SLC25A21: variants seen among roughly 807,000 people sequenced by gnomAD.
SLC25A21 encodes solute carrier family 25 member 21.
Under a neutral mutation model 43.8 loss-of-function variants are expected in SLC25A21, and 47 were observed. That is an observed-to-expected ratio of 1.07 (90% CI 0.85 to 1.37). The LOEUF is 1.37. Ranked by LOEUF, SLC25A21 falls within the 40% of genes most tolerant of loss-of-function variation. The pLI, the probability that SLC25A21 is intolerant of heterozygous loss-of-function variation, is 0.00. For missense variants in SLC25A21, 352 were observed against 350.2 expected (o/e 1.00, Z -0.04); for synonymous variants, 131 against 121.3 (o/e 1.08, Z -0.52).
At chr14:37,123,710 T>A (rs1390184763) in intron 1 of SLC25A21, among the ~76,000 whole-genome samples, 4 of 152,132 alleles carry the variant, frequency 2.6e-5, no homozygotes, top group African/African-American at 9.7e-5. Flanking sequence ...AATGGGATTT[T>A]AAACACAGAA....
intron 1 of SLC25A21, among the ~76,000 whole-genome samples, chr14:37,043,863 T>C (rs1961526635): frequency 1.3e-5 from 2 of 152,038 alleles, no homozygotes; most frequent in Non-Finnish European, 2.9e-5. Flanking sequence ...GCCTCCCAAG[T>C]AGCTGGAACT....
At chr14:36,892,817 C>A (rs182676317) in intron 1 of SLC25A21, among the ~76,000 whole-genome samples, 98 of 152,024 alleles carry the variant, frequency 6.4e-4, no homozygotes, top group South Asian at 1.2e-3. Flanking sequence ...TTTGTCCTTG[C>A]GATAGTTTGC....
At chr14:37,156,901 G>T (rs1117024) in intron 1 of SLC25A21, among the ~76,000 whole-genome samples, 58,540 of 151,964 alleles carry the variant, frequency 0.39, 12,271 homozygotes, top group African/African-American at 0.56. Flanking sequence ...AAGAAACACT[G>T]AATTTAAACT....
chr14:36,719,661 G>GT (rs1167652238), intron 6 of SLC25A21, among the ~76,000 whole-genome samples: 1 of 152,014 alleles, frequency 6.6e-6, no homozygotes, highest in Non-Finnish European at 1.5e-5. Context: ...TAATATGGTG[G>GT]TAATTTAAGA....
At chr14:36,972,900 A>G (rs1959783522) in intron 1 of SLC25A21, among the ~76,000 whole-genome samples, 1 of 152,074 alleles carries the variant, frequency 6.6e-6, no homozygotes, top group South Asian at 2.1e-4. Context: ...TGGCACAATC[A>G]TGGCTCACTG....
At position 36,867,499 on chromosome 14, in the gene SLC25A21, C is replaced by G. The variant is rs1200834333; in HGVS notation, c.119+7457G>C. On this transcript the variant is annotated intron_variant, in intron 2 of 9. Transcript: ENST00000331299. ...ATACCGAATAATGTCAGCACACAGCCCCAAAACGACGTGTGGCACGAGGCC... is the reference window on the plus strand; with the variant it reads ...ATACCGAATAATGTCAGCACACAGCGCCAAAACGACGTGTGGCACGAGGCC... Among the ~76,000 whole-genome samples the G allele has an allele frequency of 2.0e-5, 3 of 152,130 alleles. No homozygotes were observed. The East Asian group carries it at 5.8e-4, about 29-fold the overall frequency.
chr14:37,138,133 T>G (rs1390430004), intron 1 of SLC25A21, among the ~76,000 whole-genome samples: 1 of 152,162 alleles, frequency 6.6e-6, no homozygotes, highest in African/African-American at 2.4e-5. Context: ...GAGAGCCAGA[T>G]GTAATATCCC....
intron 1 of SLC25A21, among the ~76,000 whole-genome samples, chr14:36,993,966 G>A (rs958470180): frequency 6.6e-6 from 1 of 152,170 alleles, no homozygotes; most frequent in African/African-American, 2.4e-5. Flanking sequence ...TTTTTGCATT[G>A]TGTTGGTAAA....
chr14:36,909,190 T>TGAAACCAGTAG lies in SLC25A21; in HGVS notation c.71-34197_71-34187dup, dbSNP rs559802425. ...AAAAACAGGTTTGAGGTGACATCCA[T>TGAAACCAGTAG]GAAACCAGTAGGGACACTTTGAGTA... On this transcript the variant is annotated intron_variant, in intron 1 of 9. Transcript: ENST00000331299. Among the ~76,000 whole-genome samples the TGAAACCAGTAG allele has an allele frequency of 3.9e-5, 6 of 152,232 alleles. No individual in the cohort carries two copies. The South Asian group carries it at 1.2e-3, about 32-fold the overall frequency.
chr14:37,133,104 G>A (rs527739127), intron 1 of SLC25A21, among the ~76,000 whole-genome samples: 1 of 150,546 alleles, frequency 6.6e-6, no homozygotes, highest in African/African-American at 2.5e-5. Context: ...CCCTCAGGTG[G>A]GCCTGATACA....
At chr14:36,933,506 T>A (rs1892345505) in intron 1 of SLC25A21, among the ~76,000 whole-genome samples, 1 of 152,134 alleles carries the variant, frequency 6.6e-6, no homozygotes, top group East Asian at 1.9e-4. Flanking sequence ...TATCAAAAGC[T>A]TTACTTAGAT....
chr14:36,740,686 A>G (rs780952672), intron 3 of SLC25A21, among the ~76,000 whole-genome samples: 10 of 147,860 alleles, frequency 6.8e-5, no homozygotes, highest in Non-Finnish European at 1.3e-4. Flanking sequence ...GAGGTCACAG[A>G]GCAACCAATG....
intron 2 of SLC25A21, among the ~76,000 whole-genome samples, chr14:36,839,181 C>T (rs1889303188): frequency 6.6e-6 from 1 of 152,178 alleles, no homozygotes; most frequent in South Asian, 2.1e-4. Context: ...TTATGACAGA[C>T]TCTCATTCAA....
chr14:36,835,192 AG>A (rs1186515782), intron 2 of SLC25A21, among the ~76,000 whole-genome samples: 2 of 152,238 alleles, frequency 1.3e-5, no homozygotes, highest in African/African-American at 4.8e-5. Flanking sequence ...CTTTCACGAT[AG>A]GCTAACCATT....
chr14:36,699,211 G>C (rs1883172708), intron 7 of SLC25A21, among the ~76,000 whole-genome samples: 1 of 151,760 alleles, frequency 6.6e-6, no homozygotes, highest in Non-Finnish European at 1.5e-5. Flanking sequence ...GTTGGAGTTT[G>C]CTGGAGGTCC....
At chr14:36,742,221 C>T (rs1450014394) in intron 3 of SLC25A21, among the ~76,000 whole-genome samples, 1 of 152,166 alleles carries the variant, frequency 6.6e-6, no homozygotes, top group Non-Finnish European at 1.5e-5. Flanking sequence ...TCTCCTAATA[C>T]AAAGCTGATT....
chr14:37,103,327 G>A (rs1424516032), intron 1 of SLC25A21, among the ~76,000 whole-genome samples: 1 of 152,050 alleles, frequency 6.6e-6, no homozygotes, highest in Admixed American at 6.6e-5. Flanking sequence ...TTCCAAATTG[G>A]GCCTGATCTC....
chr14:37,079,047 C>A (rs1435352084), intron 1 of SLC25A21, among the ~76,000 whole-genome samples: 2 of 152,146 alleles, frequency 1.3e-5, no homozygotes, highest in African/African-American at 4.8e-5. Context: ...ATGTTTTCAT[C>A]TAATAGTTTC....
intron 1 of SLC25A21, among the ~76,000 whole-genome samples, chr14:36,944,201 C>T (rs1369588743): frequency 6.6e-6 from 1 of 152,172 alleles, no homozygotes; most frequent in African/African-American, 2.4e-5. Context: ...ATCCTGTCGA[C>T]ACCTGGGACC....
Sources: allele counts gnomAD v4.1 joint callset (sites outside exome capture counted in the v4.1 genomes callset), GRCh38; gene constraint gnomAD v4.1.1; transcripts MANE v1.5; gene names NCBI Gene and HGNC (gene_info 2026-07-23, HGNC 2026-07-21).